CNNM2: variants seen among roughly 807,000 people sequenced by gnomAD.
The protein encoded by CNNM2 is cyclin and CBS domain divalent metal cation transport mediator 2.
CNNM2 carries 12 observed loss-of-function variants against 66.9 expected under a neutral mutation model. The ratio of observed to expected loss-of-function variants is 0.18; its 90% CI spans 0.11 to 0.29. The LOEUF is 0.29. Among genes scored for constraint, CNNM2 ranks in the 10% least tolerant of loss-of-function variants. CNNM2 has a pLI of 1.00. For missense variants in CNNM2, 705 were observed against 1,167.7 expected (o/e 0.60, Z 5.77); for synonymous variants, 557 against 501.8 (o/e 1.11, Z -1.47).
At position 102,918,891 on chromosome 10, in the gene CNNM2, C is replaced by G. The variant is rs745992917; in HGVS notation, c.411C>G (p.Gly137=). The change falls in exon 1 of 8, where the codon GGC becomes GGG. Residue 137 remains glycine (G), a synonymous_variant. Transcript: ENST00000369878. The surrounding 1 kb of genome is among the most constrained non-coding windows in gnomAD (Gnocchi z 4.1). ...GCCCGGGGGAGCGCGGGCTGGGGGG[C>G]CCCGCGCCGCCAGAGCCGGACAGCG... ...RHSPGERGLG[G]PAPPEPDSGP... 67 of 1,609,378 alleles carry G rather than the reference C, an allele frequency of 4.2e-5. No individual in the cohort carries two copies. Among genetic ancestry groups the G allele is most frequent in the Non-Finnish European group, 5.5e-5 (65 of 1,178,054 alleles).
intron 1 of CNNM2, among the ~76,000 whole-genome samples, chr10:103,046,363 A>G (rs1326341426): frequency 6.6e-6 from 1 of 152,202 alleles, no homozygotes; most frequent in Non-Finnish European, 1.5e-5. Context: ...GTGTTCCATT[A>G]TTGGAATGCT....
chr10:102,952,319 C>T (rs1177628832), intron 1 of CNNM2, among the ~76,000 whole-genome samples: 1 of 151,988 alleles, frequency 6.6e-6, no homozygotes, highest in Non-Finnish European at 1.5e-5. Context: ...AATCCCAGCA[C>T]TTTAGGAGGC....
At chr10:103,042,600 C>G (rs2065061567) in intron 1 of CNNM2, among the ~76,000 whole-genome samples, 1 of 152,198 alleles carries the variant, frequency 6.6e-6, no homozygotes, top group African/African-American at 2.4e-5. Flanking sequence ...AGTAGGCAGT[C>G]AGCAGATATT....
intron 1 of CNNM2, among the ~76,000 whole-genome samples, chr10:103,025,320 A>C (rs1323116769): frequency 1.3e-5 from 2 of 152,046 alleles, no homozygotes; most frequent in African/African-American, 4.8e-5. Context: ...TGATCTCCTG[A>C]CCTTGTGATC....
rs971852186 is a variant in CNNM2 at position 102,983,209 on chromosome 10, T to G, written c.1621+63108T>G. 5.3e-5 allele frequency among the ~76,000 whole-genome samples: 8 copies of G among 151,436 alleles called. 1 individual carries two copies. The South Asian group carries it at 1.7e-3, about 31-fold the overall frequency. ...ATTATATTTCTTATTAATGACAAGT[T>G]TTTTTGTGTTTTGCTTTTTTGATAA... is the stretch of plus-strand genomic sequence containing the variant. On this transcript the variant is annotated intron_variant, in intron 1 of 7. Transcript: ENST00000369878.
intron 1 of CNNM2, among the ~76,000 whole-genome samples, chr10:102,998,625 A>T (rs754530485): frequency 4.6e-5 from 7 of 152,096 alleles, no homozygotes; most frequent in Non-Finnish European, 8.8e-5. Context: ...CAGACATAAA[A>T]CTTTATTCAC....
intron 1 of CNNM2, among the ~76,000 whole-genome samples, chr10:103,019,901 GACAC>G (rs1002766604): frequency 4.6e-5 from 7 of 152,062 alleles, no homozygotes; most frequent in African/African-American, 1.7e-4. Context: ...AAATATGTAA[GACAC>G]ACACACTTTG....
In CNNM2 at chr10:102,941,550, G is replaced by A. The variant is rs142640613; in HGVS notation, c.1621+21449G>A. Among the ~76,000 whole-genome samples, 556 of 152,310 alleles carry A rather than the reference G, an allele frequency of 3.7e-3. 3 individuals carry two copies. Among genetic ancestry groups the A allele is most frequent in the Middle Eastern group, 0.017 (5 of 294 alleles). On this transcript the variant is annotated intron_variant, in intron 1 of 7. Coordinates refer to ENST00000369878, the MANE Select transcript of CNNM2 (RefSeq NM_017649.5). The stretch of plus-strand genomic sequence containing the variant: ...CTACAGTGACCTCTGGCTGTTTCCT[G>A]AGTGCCACAGGTACTCTAGGCATGC...
At chr10:103,000,223 C>T (rs556411369) in intron 1 of CNNM2, among the ~76,000 whole-genome samples, 3 of 149,634 alleles carry the variant, frequency 2.0e-5, no homozygotes, top group African/African-American at 4.9e-5. Context: ...GTGACAAGAG[C>T]GAAACTCCGT....
chr10:103,065,929 G>C (rs1253146844), intron 4 of CNNM2, among the ~76,000 whole-genome samples: 1 of 152,156 alleles, frequency 6.6e-6, no homozygotes, highest in African/African-American at 2.4e-5. Flanking sequence ...CCAGCACCCA[G>C]AGTCCTGAAT....
chr10:102,971,523 C>T (rs1180255939), intron 1 of CNNM2, among the ~76,000 whole-genome samples: 3 of 151,894 alleles, frequency 2.0e-5, no homozygotes, highest in African/African-American at 7.3e-5. Flanking sequence ...CCTTTTATAC[C>T]TTTTTCTATG....
chr10:103,057,040 C>T (rs373577167), intron 4 of CNNM2, 76 bp downstream of exon 4: 1 of 1,439,364 alleles, frequency 6.9e-7, no homozygotes, highest in African/African-American at 1.4e-5. Context: ...GAATGGGTGT[C>T]ACCGTGTACA....
chr10:103,026,890 C>T (rs2064718908), intron 1 of CNNM2, among the ~76,000 whole-genome samples: 1 of 152,146 alleles, frequency 6.6e-6, no homozygotes, highest in African/African-American at 2.4e-5. Context: ...GTAAGGAAAT[C>T]AGTCTTGTAT....
At chr10:103,025,082 A>G (rs1215320547) in intron 1 of CNNM2, among the ~76,000 whole-genome samples, 1 of 151,944 alleles carries the variant, frequency 6.6e-6, no homozygotes, top group Non-Finnish European at 1.5e-5. Context: ...GCTCCGTTCT[A>G]TTTTATTTAT....
chr10:102,942,620 A>C (rs1188640225), intron 1 of CNNM2, among the ~76,000 whole-genome samples: 1 of 152,216 alleles, frequency 6.6e-6, no homozygotes, highest in Admixed American at 6.5e-5. Flanking sequence ...TGCTATGAAC[A>C]TGGGTGTGAA....
chr10:102,921,123 G>T (rs1287170508), intron 1 of CNNM2: 1 of 772,480 alleles, frequency 1.3e-6, no homozygotes, highest in Non-Finnish European at 1.6e-6. Flanking sequence ...CAGGTAAATA[G>T]CAACTTGTAC....
intron 1 of CNNM2, among the ~76,000 whole-genome samples, chr10:102,938,791 C>T (rs1027634296): frequency 6.6e-6 from 1 of 151,932 alleles, no homozygotes; most frequent in Non-Finnish European, 1.5e-5. Flanking sequence ...TACTGAGTTC[C>T]TTGATATTAA....
At chr10:102,988,017 G>A (rs1419906935) in intron 1 of CNNM2, among the ~76,000 whole-genome samples, 1 of 152,190 alleles carries the variant, frequency 6.6e-6, no homozygotes, top group Non-Finnish European at 1.5e-5. Context: ...ATATTGAAAA[G>A]GCCGGGCATG....
chr10:103,019,480 G>A (rs1389693775), intron 1 of CNNM2, among the ~76,000 whole-genome samples: 1 of 152,140 alleles, frequency 6.6e-6, no homozygotes, highest in African/African-American at 2.4e-5. Flanking sequence ...GAGAAGTAAA[G>A]TAGAGTGATA....
Sources: allele counts gnomAD v4.1 joint callset (sites outside exome capture counted in the v4.1 genomes callset), GRCh38; gene constraint gnomAD v4.1.1; non-coding constraint Gnocchi (gnomAD v3.1); transcripts MANE v1.5; gene names NCBI Gene and HGNC (gene_info 2026-07-23, HGNC 2026-07-21).